The following VDAC1 variants were observed in gnomAD, a reference collection of about 807,000 sequenced individuals.
VDAC1 encodes the protein non-selective voltage-gated ion channel VDAC1.
In VDAC1, 10 loss-of-function variants were observed where a neutral mutation model predicts 34.7. That is an observed-to-expected ratio of 0.29 (90% CI 0.18 to 0.49). The LOEUF is 0.49. Ranked by LOEUF, VDAC1 falls within the 20% of genes least tolerant of loss-of-function variation. The pLI is 0.99. For synonymous variants in VDAC1, 130 were observed against 136.0 expected (o/e 0.96, Z 0.30); for missense variants, 230 against 347.9 (o/e 0.66, Z 2.69).
the VDAC1 span, among the ~76,000 whole-genome samples, chr5:134,055,582 G>A: frequency 1.0e-5 from 1 of 96,696 alleles, no homozygotes; most frequent in East Asian, 4.2e-4. Flanking sequence ...ACCACGCCCC[G>A]CTAATGTTTT....
chr5:133,994,665 TAGG>T (rs1277321090), intron 1 of VDAC1, among the ~76,000 whole-genome samples: 1 of 152,106 alleles, frequency 6.6e-6, no homozygotes, highest in Non-Finnish European at 1.5e-5. Context: ...GACACCTTCC[TAGG>T]AGAACAACTC....
the VDAC1 span, among the ~76,000 whole-genome samples, chr5:134,108,120 G>A: frequency 2.6e-5 from 4 of 152,138 alleles, no homozygotes; most frequent in Admixed American, 6.5e-5. Flanking sequence ...CTGGGGAGGC[G>A]GGGAGGCTTC....
At chr5:134,096,348 CAT>C in the VDAC1 span, among the ~76,000 whole-genome samples, 83 of 152,360 alleles carry the variant, frequency 5.4e-4, no homozygotes, top group Middle Eastern at 3.4e-3. Context: ...GGTGACAAGG[CAT>C]CTAAAAGATT....
At chr5:133,996,861 G>A (rs1176017976) in intron 1 of VDAC1, among the ~76,000 whole-genome samples, 1 of 152,142 alleles carries the variant, frequency 6.6e-6, no homozygotes, top group Non-Finnish European at 1.5e-5. Flanking sequence ...GCATCACCAA[G>A]AGTGGGGGAG....
At chr5:134,004,185 C>T (rs1199501062) in intron 1 of VDAC1, among the ~76,000 whole-genome samples, 1 of 152,170 alleles carries the variant, frequency 6.6e-6, no homozygotes, top group Admixed American at 6.5e-5. Flanking sequence ...CACGTGAGCT[C>T]ATCCCCGAGG....
chr5:134,001,961 G>C (rs550950267), intron 1 of VDAC1, among the ~76,000 whole-genome samples: 2 of 152,260 alleles, frequency 1.3e-5, no homozygotes, highest in African/African-American at 4.8e-5. Flanking sequence ...ACTTTTCTCA[G>C]TGGCTACCAC....
At chr5:134,012,164 A>G in the VDAC1 span, among the ~76,000 whole-genome samples, 2 of 152,216 alleles carry the variant, frequency 1.3e-5, no homozygotes, top group East Asian at 3.8e-4. Context: ...AACCTATAGA[A>G]GCTGAAAAAG....
At chr5:134,089,375 A>C in the VDAC1 span, among the ~76,000 whole-genome samples, 1 of 152,334 alleles carries the variant, frequency 6.6e-6, no homozygotes, top group African/African-American at 2.4e-5. Flanking sequence ...GCTTCTTAGG[A>C]CCATATTTCT....
intron 5 of VDAC1, chr5:133,989,210 T>C (rs1229691333): frequency 6.6e-6 from 1 of 152,068 alleles, no homozygotes; most frequent in East Asian, 1.9e-4. Context: ...CCAGCACAGG[T>C]CTGCACTTGG....
At chr5:134,042,936 G>T in the VDAC1 span, among the ~76,000 whole-genome samples, 1 of 152,234 alleles carries the variant, frequency 6.6e-6, no homozygotes, top group Admixed American at 6.5e-5. Context: ...GACTTCTGGG[G>T]TTCCCCATTG....
the VDAC1 span, among the ~76,000 whole-genome samples, chr5:134,088,428 G>A: frequency 6.6e-6 from 1 of 152,194 alleles, no homozygotes; most frequent in Non-Finnish European, 1.5e-5. Context: ...GCCTAGGCCT[G>A]AGCCAGGCTG....
intron 1 of VDAC1, among the ~76,000 whole-genome samples, chr5:134,001,740 G>A (rs948338419): frequency 6.8e-6 from 1 of 146,616 alleles, no homozygotes; most frequent in Non-Finnish European, 1.5e-5. Context: ...AAAAAAGAGA[G>A]AGAGAAACTG....
rs565116607 is a variant in VDAC1 at position 133,985,185 on chromosome 5, C to T, written c.324-4229G>A. Among the ~76,000 whole-genome samples, 26 of 152,286 alleles carry T rather than the reference C, an allele frequency of 1.7e-4. 1 individual carries two copies. In the South Asian group the frequency reaches 5.2e-3, roughly 30 times the overall value. On this transcript the variant is annotated intron_variant, in intron 5 of 8. Coordinates refer to ENST00000265333, the MANE Select transcript of VDAC1 (RefSeq NM_003374.3). Reference sequence around the variant, plus strand: ...TTTCTGAGAAACTGGATTTGTCAGTCTCTTTCTTTGGCTGCTCAGCTCCCT... The same window carrying T: ...TTTCTGAGAAACTGGATTTGTCAGTTTCTTTCTTTGGCTGCTCAGCTCCCT...
chr5:134,055,963 G>A, the VDAC1 span, among the ~76,000 whole-genome samples: 1 of 151,072 alleles, frequency 6.6e-6, no homozygotes, highest in Non-Finnish European at 1.5e-5. Context: ...GATTGGCCAG[G>A]CGCGGTGGCT....
At chr5:134,089,811 G>A in the VDAC1 span, among the ~76,000 whole-genome samples, 1 of 152,146 alleles carries the variant, frequency 6.6e-6, no homozygotes, top group Non-Finnish European at 1.5e-5. Context: ...CCAACATGGT[G>A]AAACCCCGTC....
At chr5:133,986,622 G>A (rs1486952950) in intron 5 of VDAC1, among the ~76,000 whole-genome samples, 4 of 152,028 alleles carry the variant, frequency 2.6e-5, no homozygotes, top group Admixed American at 2.6e-4. Context: ...ACCTGACCTC[G>A]TGATCCACCT....
chr5:134,088,988 T>G, the VDAC1 span, among the ~76,000 whole-genome samples: 4 of 152,238 alleles, frequency 2.6e-5, no homozygotes, highest in Admixed American at 2.0e-4. Flanking sequence ...TTCATCATCA[T>G]GGCAGCTGGC....
the VDAC1 span, among the ~76,000 whole-genome samples, chr5:134,032,124 C>CAAAA: frequency 0.021 from 769 of 36,032 alleles, 85 homozygotes; most frequent in South Asian, 0.031. Context: ...CTCTGCCTCA[C>CAAAA]AAAAAAAAAA....
At chr5:134,085,344 A>G in the VDAC1 span, among the ~76,000 whole-genome samples, 3 of 152,060 alleles carry the variant, frequency 2.0e-5, no homozygotes, top group South Asian at 6.2e-4. Context: ...CTGGGATTAC[A>G]GGCGTGAGCC....
Sources: allele counts gnomAD v4.1 joint callset (sites outside exome capture counted in the v4.1 genomes callset), GRCh38; gene constraint gnomAD v4.1.1; transcripts MANE v1.5; gene names NCBI Gene and HGNC (gene_info 2026-07-23, HGNC 2026-07-21).